The following CCDC63 variants were observed in gnomAD, a reference collection of about 807,000 sequenced individuals.
CCDC63 encodes coiled-coil domain containing 63.
A neutral mutation model predicts 63.6 loss-of-function variants in CCDC63; 54 were observed. That is an observed-to-expected ratio of 0.85 (90% CI 0.68 to 1.07). The LOEUF (loss-of-function observed/expected upper bound fraction) is 1.07, where lower values mean the gene tolerates loss of function less well. Among genes scored for constraint, CCDC63 ranks in the 50% least tolerant of loss-of-function variants. The probability of loss-of-function intolerance (pLI) is 0.00; values close to 1 mark genes in which losing one functional copy is unlikely to be tolerated. For missense variants in CCDC63, 637 were observed against 689.6 expected (o/e 0.92, Z 0.86); for synonymous variants, 253 against 266.1 (o/e 0.95, Z 0.48).
At chr12:110,887,747 C>T (rs952464580) in intron 8 of CCDC63, among the ~76,000 whole-genome samples, 2 of 150,798 alleles carry the variant, frequency 1.3e-5, no homozygotes, top group African/African-American at 2.4e-5. Context: ...TACAGGCGCG[C>T]GCCACCACGC....
At chr12:110,856,151 A>G (rs923460561) in intron 3 of CCDC63, among the ~76,000 whole-genome samples, 7 of 147,314 alleles carry the variant, frequency 4.8e-5, no homozygotes, top group African/African-American at 1.8e-4. Context: ...AGTGGTGCAA[A>G]TTTGGCTCAC....
At chr12:110,878,129 G>C (rs2071155150) in intron 5 of CCDC63, among the ~76,000 whole-genome samples, 3 of 152,130 alleles carry the variant, frequency 2.0e-5, no homozygotes, top group African/African-American at 7.2e-5. Flanking sequence ...GCAAATGGCA[G>C]AGTCTCCTTT....
At chr12:110,858,080 T>C (rs1324352212) in intron 3 of CCDC63, among the ~76,000 whole-genome samples, 2 of 149,638 alleles carry the variant, frequency 1.3e-5, no homozygotes, top group South Asian at 2.1e-4. Flanking sequence ...CACTCCAGCC[T>C]GGGCAACAGA....
chr12:110,887,548 G>A (rs1027075837), intron 8 of CCDC63, among the ~76,000 whole-genome samples: 7 of 152,082 alleles, frequency 4.6e-5, no homozygotes, highest in African/African-American at 1.7e-4. Flanking sequence ...GTGGCGGTGG[G>A]ATGGGCCATG....
chr12:110,890,505 A>G (rs1426534231), intron 8 of CCDC63, among the ~76,000 whole-genome samples: 1 of 152,166 alleles, frequency 6.6e-6, no homozygotes, highest in East Asian at 1.9e-4. Flanking sequence ...GGGAAAGTGT[A>G]GGCAATTCAG....
At chr12:110,884,843 C>T (rs1270969857) in intron 8 of CCDC63, among the ~76,000 whole-genome samples, 21 of 142,090 alleles carry the variant, frequency 1.5e-4, no homozygotes, top group African/African-American at 3.2e-4. Context: ...CCCGCCACGA[C>T]GCCCTGCTAT....
intron 9 of CCDC63, among the ~76,000 whole-genome samples, chr12:110,895,980 G>T (rs2071411403): frequency 6.6e-6 from 1 of 152,068 alleles, no homozygotes; most frequent in South Asian, 2.1e-4. Context: ...TGAAAACTAG[G>T]CCGATTATGA....
Position 110,907,449 on chromosome 12 carries a change from C to T in CCDC63, c.1665C>T (p.Phe555=). The T allele has an allele frequency of 6.2e-7, 1 of 1,614,184 alleles. No homozygotes were observed. Among genetic ancestry groups the T allele is most frequent in the Non-Finnish European group, 8.5e-7 (1 of 1,180,024 alleles). The change falls in exon 12 of 12, where the codon TTC becomes TTT. Residue 555 remains phenylalanine (F), a synonymous_variant. Coordinates refer to ENST00000308208, the MANE Select transcript of CCDC63 (RefSeq NM_152591.3). The surrounding 1 kb of genome is among the most constrained non-coding windows in gnomAD (Gnocchi z 4.4). ...GDSLPEKVDD[F]RSRKKVTM ...GCCTGCCTGAGAAGGTGGATGACTT[C>T]AGATCCAGGAAGAAAGTAACCATGT...
chr12:110,891,622 G>A (rs2071357608), intron 8 of CCDC63, among the ~76,000 whole-genome samples: 1 of 120,208 alleles, frequency 8.3e-6, no homozygotes, highest in African/African-American at 3.4e-5. Flanking sequence ...GTGACAGAGA[G>A]AGACCCTTTC....
intron 8 of CCDC63, among the ~76,000 whole-genome samples, chr12:110,890,086 AG>A: frequency 6.6e-6 from 1 of 152,206 alleles, no homozygotes; most frequent in South Asian, 2.1e-4. Flanking sequence ...TGAGCCCAGG[AG>A]TTTGAGACCA....
intron 4 of CCDC63, among the ~76,000 whole-genome samples, chr12:110,865,750 A>G (rs2070939037): frequency 6.6e-6 from 1 of 152,192 alleles, no homozygotes; most frequent in Non-Finnish European, 1.5e-5. Flanking sequence ...CTAAGGGTGG[A>G]CAGTGAGTTT....
rs201607412 is a variant in CCDC63 at position 110,893,068 on chromosome 12, C to T, written c.1075-8C>T. On this transcript the variant is annotated splice_region_variant and splice_polypyrimidine_tract_variant and intron_variant, in intron 8 of 11. Coordinates refer to ENST00000308208, the MANE Select transcript of CCDC63 (RefSeq NM_152591.3). ...CTTTTCCTCATGGTCTTGTTCTCTC[C>T]CGAGCAGGACGAGATCATCCTCTTG... The T allele has an allele frequency of 3.4e-5, 55 of 1,613,612 alleles. No individual in the cohort carries two copies. The Admixed American group carries it at 8.5e-4, about 25-fold the overall frequency.
intron 10 of CCDC63, among the ~76,000 whole-genome samples, chr12:110,902,790 T>G (rs1409187426): frequency 6.6e-6 from 1 of 152,098 alleles, no homozygotes; most frequent in Non-Finnish European, 1.5e-5. Context: ...CAATCTTGGC[T>G]CACTGCAACC....
intron 5 of CCDC63, among the ~76,000 whole-genome samples, chr12:110,878,497 T>C (rs2071160714): frequency 6.6e-6 from 1 of 152,144 alleles, no homozygotes; most frequent in African/African-American, 2.4e-5. Flanking sequence ...GTATTTTTAG[T>C]TGAGACGGGG....
At chr12:110,895,363 C>T (rs929291602) in intron 9 of CCDC63, among the ~76,000 whole-genome samples, 8 of 152,338 alleles carry the variant, frequency 5.3e-5, no homozygotes, top group Middle Eastern at 3.4e-3. Flanking sequence ...GATCCGCCCG[C>T]CTTGGCCTCC....
chr12:110,871,237 G>C (rs2071061615), intron 4 of CCDC63, among the ~76,000 whole-genome samples: 1 of 152,172 alleles, frequency 6.6e-6, no homozygotes, highest in South Asian at 2.1e-4. Flanking sequence ...CGCCTCCCGG[G>C]TTCATGCCAT....
At chr12:110,856,461 G>A (rs910994121) in intron 3 of CCDC63, among the ~76,000 whole-genome samples, 1 of 151,892 alleles carries the variant, frequency 6.6e-6, no homozygotes, top group African/African-American at 2.4e-5. Flanking sequence ...AGCTTCCCCC[G>A]CCCGCCTCCT....
intron 5 of CCDC63, among the ~76,000 whole-genome samples, chr12:110,878,561 C>T (rs925755192): frequency 6.6e-6 from 1 of 152,254 alleles, no homozygotes; most frequent in African/African-American, 2.4e-5. Flanking sequence ...GTGATCCACC[C>T]GCCTTGGCCT....
chr12:110,899,278 C>T (rs553968831), intron 10 of CCDC63, among the ~76,000 whole-genome samples, 153 bp downstream of exon 10: 9 of 152,126 alleles, frequency 5.9e-5, no homozygotes, highest in African/African-American at 2.2e-4. Context: ...CCTGGGTCTA[C>T]ACTTACCAGC....
Sources: allele counts gnomAD v4.1 joint callset (sites outside exome capture counted in the v4.1 genomes callset), GRCh38; gene constraint gnomAD v4.1.1; non-coding constraint Gnocchi (gnomAD v3.1); transcripts MANE v1.5; gene names NCBI Gene and HGNC (gene_info 2026-07-23, HGNC 2026-07-21).